The following RYR1 variants were observed in gnomAD, a reference collection of about 807,000 sequenced individuals.
RYR1 encodes ryanodine receptor 1.
Under a neutral mutation model 583.5 loss-of-function variants are expected in RYR1, and 342 were observed. The ratio of observed to expected loss-of-function variants is 0.59; its 90% CI spans 0.54 to 0.64. The LOEUF is 0.64. Ranked by LOEUF, RYR1 falls within the 30% of genes least tolerant of loss-of-function variation. RYR1 has a pLI of 0.00. For synonymous variants in RYR1, 2,791 were observed against 2,822.5 expected, an observed-to-expected ratio of 0.99 and a Z score of 0.35; for missense variants, 6,032 against 6,917.2, an observed-to-expected ratio of 0.87 and a Z score of 4.54.
intron 34 of RYR1, among the ~76,000 whole-genome samples, chr19:38,488,227 A>G (rs1969385514): frequency 6.6e-6 from 1 of 152,110 alleles, no homozygotes; most frequent in East Asian, 1.9e-4. Context: ...TTCCTCATGC[A>G]TCTATCAACC....
chr19:38,506,088 C>A (rs1013312131), intron 54 of RYR1, 142 bp downstream of exon 54: 13 of 1,220,948 alleles, frequency 1.1e-5, no homozygotes, highest in South Asian at 1.4e-5. Context: ...AACCTGAGAT[C>A]TGGGAAAGGA....
At chr19:38,550,421 C>G (rs1381828613) in intron 89 of RYR1, among the ~76,000 whole-genome samples, 1 of 152,142 alleles carries the variant, frequency 6.6e-6, no homozygotes, top group Admixed American at 6.6e-5. Flanking sequence ...TAGGGTTATG[C>G]ATCTTTTGCA....
rs1242021713 is a variant in RYR1, at chr19:38,499,273, G to A, written c.7027+30G>A. 1.2e-6 allele frequency: 2 copies of A among 1,613,926 alleles called. No individual in the cohort carries two copies. The highest frequency in any genetic ancestry group is 1.1e-5 in the South Asian group (1 of 91,086). On this transcript the variant is annotated intron_variant, in intron 43 of 105. Coordinates refer to ENST00000359596, the MANE Select transcript of RYR1 (RefSeq NM_000540.3). The surrounding 1 kb of genome is among the most constrained non-coding windows in gnomAD (Gnocchi z 7.3). Reference sequence around the variant, plus strand: ...GGAGGGGGTGGCAGTGGCAGAGCGGGAAGTATGGAGTCACTGGTCACACAC... The same window carrying A: ...GGAGGGGGTGGCAGTGGCAGAGCGGAAAGTATGGAGTCACTGGTCACACAC...
chr19:38,444,161 G>T lies in RYR1; in HGVS notation c.437G>T (p.Trp146Leu). The T allele has an allele frequency of 6.2e-7, 1 of 1,613,920 alleles. No individual in the cohort carries two copies. The highest frequency in any genetic ancestry group is 8.5e-7 in the Non-Finnish European group (1 of 1,179,850). ...LQEDATGEACWWTMHPASKQR... is the reference protein window; with the variant it reads ...LQEDATGEACLWTMHPASKQR... ...TCCCCACCCATAGGAGAGGCTTGCT[G>T]GTGGACCATGCACCCAGCCTCCAAG... Residue 146 changes from tryptophan to leucine, a missense_variant, in exon 6 of 106, where the codon TGG becomes TTG. Coordinates refer to ENST00000359596, the MANE Select transcript of RYR1 (RefSeq NM_000540.3). This position sits in a 1 kb window ranked among gnomAD's most constrained non-coding sequence, Gnocchi z 5.1.
rs1974408024 is a variant in RYR1, at chr19:38,585,035, C to T, written c.14739C>T (p.Tyr4913=). 3 of 1,613,992 alleles carry T rather than the reference C, an allele frequency of 1.9e-6. No homozygotes were observed. The highest frequency in any genetic ancestry group is 2.2e-5 in the East Asian group (1 of 44,894). ...EDPAGDEYEL[Y]RVVFDITFFF... Reference sequence around the variant, plus strand: ...CCGCGGGTGACGAATACGAGCTCTACAGGGTGGTCTTCGACATCACCTTCT... The same window carrying T: ...CCGCGGGTGACGAATACGAGCTCTATAGGGTGGTCTTCGACATCACCTTCT... The change falls in exon 102 of 106, where the codon TAC becomes TAT. Residue 4913 remains tyrosine, a synonymous_variant. Coordinates refer to ENST00000359596, the MANE Select transcript of RYR1 (RefSeq NM_000540.3).
At chr19:38,563,796 C>T (rs1271424277) in intron 90 of RYR1, among the ~76,000 whole-genome samples, 2 of 152,242 alleles carry the variant, frequency 1.3e-5, no homozygotes, top group African/African-American at 2.4e-5. Flanking sequence ...CACTATGCTC[C>T]TCCTCTCAAG....
rs759868159 is a variant in RYR1 at position 38,433,856 on chromosome 19, G to A, written c.27G>A (p.Glu9=). 1.2e-6 allele frequency: 2 copies of A among 1,613,226 alleles called. No homozygotes were observed. Among genetic ancestry groups the A allele is most frequent in the African/African-American group, 2.7e-5 (2 of 74,748 alleles). Residue 9 remains glutamate, a synonymous_variant, in exon 1 of 106, where the codon GAG becomes GAA. Coordinates refer to ENST00000359596, the MANE Select transcript of RYR1 (RefSeq NM_000540.3). ...TGGGTGACGCAGAAGGCGAAGACGA[G>A]GTCCAGTTCCTGCGGACGGTGCGTA... is the stretch of plus-strand genomic sequence containing the variant. MGDAEGED[E]VQFLRTDDEV...
chr19:38,553,181 A>G (rs1051462186), intron 89 of RYR1, among the ~76,000 whole-genome samples: 2 of 151,684 alleles, frequency 1.3e-5, no homozygotes, highest in African/African-American at 4.8e-5. Flanking sequence ...CTAAAAATAC[A>G]GAAATTAGCC....
At chr19:38,464,148 A>G (rs188026427) in intron 22 of RYR1, among the ~76,000 whole-genome samples, 1 of 151,766 alleles carries the variant, frequency 6.6e-6, no homozygotes, top group Non-Finnish European at 1.5e-5. Flanking sequence ...GTGGTGGTGC[A>G]CCTCTGTAAT....
Position 38,565,131 on chromosome 19 carries a change from G to A in RYR1, c.12797G>A (p.Gly4266Asp), listed in dbSNP as rs1445617605. Residue 4266 changes from glycine (G) to aspartate (D), a missense_variant, in exon 91 of 106, where the codon GGC becomes GAC. Physicochemically the swap from Gly to Asp is moderately conservative, Grantham distance 94. Transcript: ENST00000359596. The surrounding 1 kb of genome is among the most constrained non-coding windows in gnomAD (Gnocchi z 4.7). Reference protein sequence around the residue: ...EPETDEDEGAGAAEAGAEGAE... With the variant: ...EPETDEDEGADAAEAGAEGAE... ...GAGACCGACGAGGACGAGGGCGCGGGCGCGGCGGAGGCGGGCGCGGAAGGC... is the reference window on the plus strand; with the variant it reads ...GAGACCGACGAGGACGAGGGCGCGGACGCGGCGGAGGCGGGCGCGGAAGGC... 3.4e-5 allele frequency: 52 copies of A among 1,530,650 alleles called. No homozygotes were observed. Among genetic ancestry groups the A allele is most frequent in the Non-Finnish European group, 4.0e-5 (46 of 1,142,660 alleles). 94.8% of individuals were successfully genotyped at this position (1,530,650 alleles called of 1,614,324 possible).
At position 38,532,543 on chromosome 19, in the gene RYR1, T is replaced by C. The variant is rs1971785665; in HGVS notation, c.11193+2T>C. The C allele has an allele frequency of 1.2e-6, 2 of 1,614,004 alleles. No individual in the cohort carries two copies. The highest frequency in any genetic ancestry group is 3.3e-5 in the Admixed American group (2 of 59,994). ...GCCTATGCTGATATCATGGCAAAGG[T>C]GAGGCCCTACCCCCCTCTTCTGGGG... On this transcript the variant is annotated splice_donor_variant, in intron 77 of 105. Transcript: ENST00000359596. LOFTEE classifies it high-confidence loss of function.
intron 11 of RYR1, 127 bp downstream of exon 11, chr19:38,448,940 T>G: frequency 1.1e-6 from 1 of 917,668 alleles, no homozygotes; most frequent in East Asian, 2.6e-5. Context: ...TGAGATGGGG[T>G]GCAGGAGGGT....
chr19:38,585,426 ATG>A (rs1454382039), intron 102 of RYR1, among the ~76,000 whole-genome samples: 8 of 147,504 alleles, frequency 5.4e-5, no homozygotes, highest in South Asian at 2.1e-4. Context: ...ATATTTATAT[ATG>A]TGTTTATATA....
chr19:38,572,425 TGGGGTCTCCAGCAAGGATGACA>T (rs1258984886), intron 95 of RYR1, among the ~76,000 whole-genome samples, 155 bp downstream of exon 95: 1 of 151,884 alleles, frequency 6.6e-6, no homozygotes, highest in Non-Finnish European at 1.5e-5. Flanking sequence ...GGTACAGGAT[TGGGGTCTCCAGCAAGGATGACA>T]GGGGTCTCCA....
intron 37 of RYR1, 138 bp downstream of exon 37, chr19:38,490,870 GTGAA>G: frequency 1.4e-6 from 1 of 706,844 alleles, no homozygotes; most frequent in Non-Finnish European, 2.6e-6. Flanking sequence ...GAATGAGTGA[GTGAA>G]TGAATGTGTT....
intron 34 of RYR1, among the ~76,000 whole-genome samples, chr19:38,488,161 C>A (rs1373073680): frequency 6.6e-6 from 1 of 151,288 alleles, no homozygotes; most frequent in African/African-American, 2.5e-5. Flanking sequence ...GGCCAACCAT[C>A]CCCCCACCCT....
At chr19:38,509,321 AT>A (rs1485558992) in intron 58 of RYR1, among the ~76,000 whole-genome samples, 1 of 152,052 alleles carries the variant, frequency 6.6e-6, no homozygotes, top group Non-Finnish European at 1.5e-5. Context: ...CATCTGAAAA[AT>A]GGGGGTTGGG....
chr19:38,533,952 A>G (rs972589542), intron 78 of RYR1, among the ~76,000 whole-genome samples: 1 of 152,062 alleles, frequency 6.6e-6, no homozygotes, highest in South Asian at 2.1e-4. Context: ...TTCTGCAACA[A>G]TAATGTGATA....
intron 66 of RYR1, among the ~76,000 whole-genome samples, chr19:38,518,803 C>A (rs1971090007): frequency 1.3e-5 from 2 of 152,106 alleles, no homozygotes; most frequent in Admixed American, 6.6e-5. Flanking sequence ...GTGGCAGACG[C>A]CTGTAATCCC....
Sources: allele counts gnomAD v4.1 joint callset (sites outside exome capture counted in the v4.1 genomes callset), GRCh38; gene constraint gnomAD v4.1.1; non-coding constraint Gnocchi (gnomAD v3.1); transcripts MANE v1.5; gene names NCBI Gene and HGNC (gene_info 2026-07-23, HGNC 2026-07-21).